Variants in UROC1 observed in about 807,000 individuals in gnomAD.
The protein encoded by UROC1 is urocanate hydratase 1, also known as urocanate hydratase.
In UROC1, 79 loss-of-function variants were observed where a neutral mutation model predicts 89.5. The ratio of observed to expected loss-of-function variants is 0.88; its 90% CI spans 0.74 to 1.06. The LOEUF (loss-of-function observed/expected upper bound fraction) is 1.06, where lower values mean the gene tolerates loss of function less well. UROC1 is among the 50% of genes least tolerant of loss of function. The pLI, the probability that UROC1 is intolerant of heterozygous loss-of-function variation, is 0.00. For synonymous variants in UROC1, 361 were observed against 354.8 expected, an observed-to-expected ratio of 1.02 and a Z score of -0.20; for missense variants, 885 against 907.8, an observed-to-expected ratio of 0.97 and a Z score of 0.32.
chr3:126,506,454 T>A (rs1305054131), intron 6 of UROC1, among the ~76,000 whole-genome samples: 1 of 152,080 alleles, frequency 6.6e-6, no homozygotes, highest in African/African-American at 2.4e-5. Context: ...AAACACCACA[T>A]GGCAGAGAGG....
At chr3:126,509,167 T>G (rs568232172) in intron 3 of UROC1, among the ~76,000 whole-genome samples, 34 of 150,864 alleles carry the variant, frequency 2.3e-4, no homozygotes, top group South Asian at 6.3e-4. Context: ...GCCCCGGAGG[T>G]TGAGGTTGCA....
At chr3:126,514,618 G>A (rs1431475312) in intron 1 of UROC1, among the ~76,000 whole-genome samples, 2 of 151,984 alleles carry the variant, frequency 1.3e-5, no homozygotes, top group Non-Finnish European at 2.9e-5. Context: ...GCACCACGAA[G>A]GAACAATCTG....
chr3:126,504,397 A>G (rs901679904), intron 8 of UROC1, among the ~76,000 whole-genome samples: 5 of 152,298 alleles, frequency 3.3e-5, no homozygotes, highest in African/African-American at 1.2e-4. Context: ...GATTTCAACT[A>G]AGACTGACCA....
chr3:126,492,000 C>T (rs2107536392), intron 16 of UROC1, among the ~76,000 whole-genome samples: 1 of 152,272 alleles, frequency 6.6e-6, no homozygotes, highest in South Asian at 2.1e-4. Flanking sequence ...CACCCAATCC[C>T]AGATTATCCC....
intron 6 of UROC1, among the ~76,000 whole-genome samples, chr3:126,506,538 T>A (rs1395116686): frequency 2.0e-5 from 3 of 152,264 alleles, no homozygotes; most frequent in Middle Eastern, 3.4e-3. Context: ...TTAGTGCAAT[T>A]GAACATTGCA....
chr3:126,483,071 G>C (rs930898455), intron 19 of UROC1, among the ~76,000 whole-genome samples: 5 of 152,124 alleles, frequency 3.3e-5, no homozygotes. Flanking sequence ...CACCCTCTCT[G>C]TCCTCATGCT....
intron 8 of UROC1, 98 bp downstream of exon 8, chr3:126,505,603 G>T (rs1936034974): frequency 2.6e-6 from 4 of 1,544,388 alleles, no homozygotes; most frequent in Non-Finnish European, 3.5e-6. Flanking sequence ...AGGATGAGAA[G>T]GGGGGTCTGT....
rs764800467 is a variant in UROC1, at chr3:126,500,073, C to T, written c.1227G>A (p.Leu409=). ...TCCTCCTACCTGCTCTCTGGGCCTC[C>T]AAGAGGAAGGCATTGCCGTAGTCCC... ...FFWDYGNAFL[L]EAQRAGADVE... Residue 409 remains leucine (L), a synonymous_variant, in exon 12 of 20, where the codon TTG becomes TTA. Coordinates refer to ENST00000290868, the MANE Select transcript of UROC1 (RefSeq NM_144639.3). 6.2e-7 allele frequency: 1 copy of T among 1,613,648 alleles called. No homozygotes were observed. The highest frequency in any genetic ancestry group is 1.7e-5 in the Admixed American group (1 of 60,030).
At chr3:126,505,661 GAGGC>G (rs552205633) in intron 8 of UROC1, 36 bp downstream of exon 8, 48 of 1,492,468 alleles carry the variant, frequency 3.2e-5, no homozygotes, top group Non-Finnish European at 4.0e-5. Flanking sequence ...GGGAGGGAGG[GAGGC>G]AGGCAGGAGC....
chr3:126,517,616 C>CTGGGGGTCCTGACAGGGGCA lies in UROC1; in HGVS notation c.84_103dup (p.Ser35MetfsTer18). 1 of 1,612,222 alleles carries CTGGGGGTCCTGACAGGGGCA rather than the reference C, an allele frequency of 6.2e-7. No homozygotes were observed. Among genetic ancestry groups the CTGGGGGTCCTGACAGGGGCA allele is most frequent in the Admixed American group, 1.7e-5 (1 of 60,000 alleles). On this transcript the variant is annotated frameshift_variant, in exon 1 of 20. Transcript: ENST00000290868. LOFTEE classifies it high-confidence loss of function. ...TACCTGTTTCTCCACAGGGCTGAGG[C>CTGGGGGTCCTGACAGGGGCA]TGGGGGTCCTGACAGGGGCATGGGG...
intron 9 of UROC1, chr3:126,501,814 G>C (rs1191203186): frequency 6.3e-7 from 1 of 1,599,518 alleles, no homozygotes; most frequent in East Asian, 2.2e-5. Flanking sequence ...GAGTGGCCTG[G>C]AGAAGCCCGA....
Position 126,500,824 on chromosome 3 carries a change from A to C in UROC1, c.1016T>G (p.Leu339Arg). The C allele has an allele frequency of 1.2e-6, 2 of 1,613,976 alleles. No homozygotes were observed. The highest frequency in any genetic ancestry group is 1.7e-6 in the Non-Finnish European group (2 of 1,180,024). The change falls in exon 11 of 20, where the codon CTG becomes CGG. Residue 339 changes from leucine to arginine, a missense_variant. Leu to Arg is a moderately radical substitution (Grantham distance 102, BLOSUM62 -2). Transcript: ENST00000290868. ...GTGGCAGGATGTCTGATCTGACCCC[A>C]GGTCCACCAAGCACTCCCCCGTCGT... ...LDTTGECLVD[L>R]GSDQTSCHNP...
At chr3:126,499,597 G>T (rs1259267708) in intron 12 of UROC1, among the ~76,000 whole-genome samples, 188 bp from the exon 13 acceptor site, 1 of 152,250 alleles carries the variant, frequency 6.6e-6, no homozygotes, top group African/African-American at 2.4e-5. Flanking sequence ...GGTGCAGGAT[G>T]CATGCGCTTG....
At chr3:126,492,923 A>C (rs1307764545) in intron 15 of UROC1, among the ~76,000 whole-genome samples, 1 of 151,994 alleles carries the variant, frequency 6.6e-6, no homozygotes, top group Non-Finnish European at 1.5e-5. Flanking sequence ...GGCCTGCCCC[A>C]CTCTCAGTGT....
At chr3:126,488,632 G>C (rs901964711) in intron 17 of UROC1, among the ~76,000 whole-genome samples, 61 of 152,340 alleles carry the variant, frequency 4.0e-4, no homozygotes, top group African/African-American at 1.4e-3. Flanking sequence ...CTTAAAAAGG[G>C]GGGCAGAGGA....
chr3:126,488,376 G>T, intron 17 of UROC1, 97 bp from the exon 18 acceptor site: 2 of 1,439,486 alleles, frequency 1.4e-6, no homozygotes, highest in Non-Finnish European at 1.9e-6. Flanking sequence ...GCACTGCTAG[G>T]CCAGAAGGAT....
At chr3:126,513,135 G>GGTGTGT (rs56301013) in intron 1 of UROC1, among the ~76,000 whole-genome samples, 22,902 of 147,814 alleles carry the variant, frequency 0.15, 1,910 homozygotes, top group East Asian at 0.2. Context: ...CACAGAGCAG[G>GGTGTGT]GTGTGTGTGT....
At chr3:126,485,919 A>G (rs1356180629) in intron 18 of UROC1, among the ~76,000 whole-genome samples, 1 of 152,196 alleles carries the variant, frequency 6.6e-6, no homozygotes, top group South Asian at 2.1e-4. Context: ...CATCTCACCA[A>G]CAAAACTGCA....
chr3:126,488,182 T>C lies in UROC1; in HGVS notation c.1790+16A>G. 6.2e-7 allele frequency: 1 copy of C among 1,614,138 alleles called. No homozygotes were observed. The highest frequency in any genetic ancestry group is 1.7e-5 in the Admixed American group (1 of 60,024). ...TTCCACATCAGCCCACACCCTGTCC[T>C]CTGAAACCTTCTTACCAGCCCACGC... On this transcript the variant is annotated intron_variant, in intron 18 of 19. Transcript: ENST00000290868.
Sources: allele counts gnomAD v4.1 joint callset (sites outside exome capture counted in the v4.1 genomes callset), GRCh38; gene constraint gnomAD v4.1.1; transcripts MANE v1.5; gene names NCBI Gene and HGNC (gene_info 2026-07-23, HGNC 2026-07-21).